Variants in NOMO1 observed in about 807,000 individuals in gnomAD.
NOMO1 encodes nodal modulator 3.
A neutral mutation model predicts 133.8 loss-of-function variants in NOMO1; 40 were observed. That is an observed-to-expected ratio of 0.30 (90% CI 0.23 to 0.39). NOMO1 has a LOEUF of 0.39. Among genes scored for constraint, NOMO1 ranks in the 10% least tolerant of loss-of-function variants. The pLI, the probability that NOMO1 is intolerant of heterozygous loss-of-function variation, is 1.00. For missense variants in NOMO1, 462 were observed against 1,419.9 expected (o/e 0.33, Z 10.84); for synonymous variants, 236 against 570.5 (o/e 0.41, Z 8.36).
chr16:14,839,359 T>C (rs943636023), intron 2 of NOMO1, among the ~76,000 whole-genome samples: 12 of 152,046 alleles, frequency 7.9e-5, no homozygotes, highest in African/African-American at 2.9e-4. Flanking sequence ...TCCGGCCCTC[T>C]TATAAAATTT....
chr16:14,858,895 A>T (rs1172983893), intron 11 of NOMO1, among the ~76,000 whole-genome samples: 1 of 151,892 alleles, frequency 6.6e-6, no homozygotes, highest in Non-Finnish European at 1.5e-5. Context: ...CAGACTGGTG[A>T]GATATTTAGG....
intron 11 of NOMO1, among the ~76,000 whole-genome samples, chr16:14,860,658 G>A (rs1443503084): frequency 6.6e-6 from 1 of 151,960 alleles, no homozygotes; most frequent in Admixed American, 6.6e-5. Flanking sequence ...TCTTATTTGA[G>A]CCACTGGGTA....
At chr16:14,848,057 A>G (rs1963708268) in intron 5 of NOMO1, among the ~76,000 whole-genome samples, 1 of 152,064 alleles carries the variant, frequency 6.6e-6, no homozygotes, top group African/African-American at 2.4e-5. Flanking sequence ...GCTCAATCTT[A>G]CCAATACTTG....
intron 6 of NOMO1, among the ~76,000 whole-genome samples, chr16:14,851,137 TAGAAG>T (rs370366635): frequency 0.022 from 3,226 of 149,500 alleles, 48 homozygotes; most frequent in Middle Eastern, 0.058. Context: ...CATTTATAAA[TAGAAG>T]AGATTTTAAG....
At chr16:14,884,907 A>G (rs1225347237) in intron 27 of NOMO1, among the ~76,000 whole-genome samples, 1 of 152,066 alleles carries the variant, frequency 6.6e-6, no homozygotes, top group Non-Finnish European at 1.5e-5. Context: ...GATAATTTAT[A>G]ACAAAAGAGG....
At chr16:14,885,684 C>T (rs1964313777) in intron 27 of NOMO1, among the ~76,000 whole-genome samples, 1 of 151,562 alleles carries the variant, frequency 6.6e-6, no homozygotes, top group Non-Finnish European at 1.5e-5. Flanking sequence ...TGGGGAACTC[C>T]TGCCCCATCC....
At chr16:14,889,349 C>T (rs1964373532) in intron 29 of NOMO1, 134 bp downstream of exon 29, 12 of 1,511,990 alleles carry the variant, frequency 7.9e-6, no homozygotes, top group East Asian at 6.8e-5. Flanking sequence ...CTAGGCAATA[C>T]GGTAAAACCC....
At chr16:14,846,775 C>T in intron 5 of NOMO1, 92 bp downstream of exon 5, 1 of 1,572,846 alleles carries the variant, frequency 6.4e-7, no homozygotes, top group Non-Finnish European at 8.7e-7. Flanking sequence ...TCAGGGAGTT[C>T]TGGGTTCAGA....
At chr16:14,882,509 A>T (rs1462745524) in intron 25 of NOMO1, 85 bp from the exon 26 acceptor site, 4 of 1,594,062 alleles carry the variant, frequency 2.5e-6, no homozygotes, top group Non-Finnish European at 2.6e-6. Flanking sequence ...TGTCTTAATG[A>T]TCTCGTGCAG....
chr16:14,864,775 C>T (rs766855991), intron 13 of NOMO1, 49 bp downstream of exon 13: 31 of 1,613,210 alleles, frequency 1.9e-5, no homozygotes, highest in African/African-American at 9.4e-5. Flanking sequence ...AGAAGTCAGC[C>T]GGTAGGAGTG....
intron 29 of NOMO1, among the ~76,000 whole-genome samples, chr16:14,891,403 C>T (rs981325845): frequency 6.6e-6 from 1 of 151,644 alleles, no homozygotes; most frequent in African/African-American, 2.4e-5. Context: ...TTTATCTTTT[C>T]ACTTGGTTTC....
intron 4 of NOMO1, among the ~76,000 whole-genome samples, chr16:14,845,141 C>G (rs1287727245): frequency 1.3e-5 from 2 of 151,696 alleles, no homozygotes; most frequent in African/African-American, 2.4e-5. Flanking sequence ...CCTGCCTCAC[C>G]CTCCCGCTCC....
chr16:14,881,382 G>A (rs1479144763), intron 24 of NOMO1, among the ~76,000 whole-genome samples, 162 bp from the exon 25 acceptor site: 1 of 152,010 alleles, frequency 6.6e-6, no homozygotes, highest in Non-Finnish European at 1.5e-5. Flanking sequence ...CGGCAGGAAG[G>A]TGTGGTTTGG....
chr16:14,875,949 TTGG>T (rs1259273205), intron 20 of NOMO1, among the ~76,000 whole-genome samples: 3 of 150,674 alleles, frequency 2.0e-5, no homozygotes, highest in African/African-American at 7.3e-5. Context: ...TGGTTCGTGT[TTGG>T]AAGCAGAGGG....
At chr16:14,894,367 T>G (rs1298883814) in intron 29 of NOMO1, among the ~76,000 whole-genome samples, 1 of 152,144 alleles carries the variant, frequency 6.6e-6, no homozygotes, top group African/African-American at 2.4e-5. Flanking sequence ...CTTCTGTTCC[T>G]GTACCATTGG....
intron 29 of NOMO1, 55 bp from the exon 30 acceptor site, chr16:14,894,943 T>C (rs961166366): frequency 6.2e-7 from 1 of 1,611,908 alleles, no homozygotes; most frequent in African/African-American, 1.3e-5. Flanking sequence ...GCATTGTGGA[T>C]GATGGACAAT....
At chr16:14,864,473 G>A in intron 12 of NOMO1, 112 bp from the exon 13 acceptor site, 1 of 1,536,052 alleles carries the variant, frequency 6.5e-7, no homozygotes, top group East Asian at 2.3e-5. Flanking sequence ...ACGAACCTTT[G>A]GCCTTCAAAA....
In NOMO1 at chr16:14,889,192, A is replaced by C. The variant is rs376397163; in HGVS notation, c.3421A>C (p.Ile1141Leu). The C allele has an allele frequency of 1.9e-6, 3 of 1,604,622 alleles. No individual in the cohort carries two copies. The highest frequency in any genetic ancestry group is 2.6e-6 in the Non-Finnish European group (3 of 1,176,208). Residue 1141 changes from isoleucine to leucine, a missense_variant, in exon 29 of 31, where the codon ATC (isoleucine) becomes CTC (leucine). Coordinates refer to ENST00000287667, the MANE Select transcript of NOMO1 (RefSeq NM_014287.4). ...CACCGCAGTGGGCTACCATAAACAC[A>C]TCACCTTGATTTTTAATCCCACGGT... is the stretch of plus-strand genomic sequence containing the variant. Reference protein sequence around the residue: ...SFTAVGYHKHITLIFNPTRKL... With the variant: ...SFTAVGYHKHLTLIFNPTRKL...
chr16:14,894,968 G>T (rs1410116344), intron 29 of NOMO1, 30 bp from the exon 30 acceptor site: 1 of 1,611,920 alleles, frequency 6.2e-7, no homozygotes, highest in Admixed American at 1.7e-5. Flanking sequence ...TGGCCTTGGT[G>T]AGGAGTGATG....
Sources: allele counts gnomAD v4.1 joint callset (sites outside exome capture counted in the v4.1 genomes callset), GRCh38; gene constraint gnomAD v4.1.1; transcripts MANE v1.5; gene names NCBI Gene and HGNC (gene_info 2026-07-23, HGNC 2026-07-21).